The following RPL22L1 variants were observed in gnomAD, a reference collection of about 807,000 sequenced individuals.
RPL22L1 encodes the protein ribosomal protein eL22-like.
A neutral mutation model predicts 17.3 loss-of-function variants in RPL22L1; 19 were observed. That is an observed-to-expected ratio of 1.10 (90% CI 0.77 to 1.61). The LOEUF (loss-of-function observed/expected upper bound fraction) is 1.61. Among genes scored for constraint, RPL22L1 ranks in the 40% most tolerant of loss-of-function variants. RPL22L1 has a pLI of 0.00. For missense variants in RPL22L1, 139 were observed against 144.4 expected (o/e 0.96, Z 0.19); for synonymous variants, 48 against 48.5 (o/e 0.99, Z 0.05).
At position 170,866,115 on chromosome 3, in the gene RPL22L1, T is replaced by C. The variant is rs551228120; in HGVS notation, c.*265A>G. Reference sequence around the variant, plus strand: ...GAGTGTCTAAAAAAAAGATTTCCTATATAACGCTACTTTTACCTGAGTACA... The same window carrying C: ...GAGTGTCTAAAAAAAAGATTTCCTACATAACGCTACTTTTACCTGAGTACA... On this transcript the variant is annotated 3_prime_UTR_variant, in exon 4 of 4. Transcript: ENST00000295830. 4.0e-6 allele frequency: 1 copy of C among 248,566 alleles called. No individual in the cohort carries two copies. The allele number at this position is 248,566 out of a possible 1,614,324, so 15.4% of individuals were successfully genotyped here.
At chr3:170,868,891 CAGG>C (rs1183794906) in intron 1 of RPL22L1, among the ~76,000 whole-genome samples, 7 of 151,372 alleles carry the variant, frequency 4.6e-5, no homozygotes, top group Non-Finnish European at 1.0e-4. Context: ...GAGGCTGAGG[CAGG>C]AGGATCACGT....
intron 3 of RPL22L1, 93 bp downstream of exon 3, chr3:170,867,920 C>T (rs766380575): frequency 1.9e-6 from 2 of 1,044,330 alleles, no homozygotes; most frequent in African/African-American, 3.2e-5. Flanking sequence ...CATATTTATT[C>T]TTGCATATAA....
rs751553075 is a variant in RPL22L1, at chr3:170,866,340, A to C, written c.*40T>G. The C allele has an allele frequency of 2.7e-6, 4 of 1,506,446 alleles. No homozygotes were observed. The highest frequency in any genetic ancestry group is 2.3e-5 in the Admixed American group (1 of 44,104). 93.3% of individuals were successfully genotyped at this position (1,506,446 alleles called of 1,614,324 possible). A position where few individuals can be genotyped will look rare whatever the true frequency, so the allele number is the denominator to read the frequency against. ...GGTATTTCTCATGTATACTTCATTT[A>C]TTTTATTAATAAGCAAAGCCCTGTA... On this transcript the variant is annotated 3_prime_UTR_variant, in exon 4 of 4. Coordinates refer to ENST00000295830, the MANE Select transcript of RPL22L1 (RefSeq NM_001099645.2).
In RPL22L1 at chr3:170,868,054, C is replaced by T. The variant is rs749918934; in HGVS notation, c.183G>A (p.Lys61=). 2.4e-5 allele frequency: 38 copies of T among 1,603,846 alleles called. No homozygotes were observed. Among genetic ancestry groups the T allele is most frequent in the Non-Finnish European group, 3.1e-5 (36 of 1,174,488 alleles). The change falls in exon 3 of 4, where the codon AAG becomes AAA. Residue 61 remains lysine, a synonymous_variant. Coordinates refer to ENST00000295830, the MANE Select transcript of RPL22L1 (RefSeq NM_001099645.2). ...TCTCAGAAACAACTGTGATTTTATT[C>T]TTGAAGCGTTCAATGTGAACAACAT... ...LGNVVHIERF[K]NKITVVSEKQ... is the part of the protein sequence containing the mutation.
At chr3:170,867,705 T>G (rs541062492) in intron 3 of RPL22L1, among the ~76,000 whole-genome samples, 5 of 152,230 alleles carry the variant, frequency 3.3e-5, no homozygotes, top group Non-Finnish European at 1.5e-5. Flanking sequence ...ACATCAGACA[T>G]GTTTCTTGCA....
At chr3:170,867,951 A>T in intron 3 of RPL22L1, 62 bp downstream of exon 3, 1 of 1,301,464 alleles carries the variant, frequency 7.7e-7, no homozygotes, top group Non-Finnish European at 1.1e-6. Context: ...TGTAATAACT[A>T]CATATTCTAT....
intron 3 of RPL22L1, 110 bp from the exon 4 acceptor site, chr3:170,866,634 C>T (rs1711780188): frequency 2.7e-6 from 2 of 751,382 alleles, no homozygotes; most frequent in South Asian, 4.0e-5. Flanking sequence ...TACCTAGCTT[C>T]CTCCAAAATA....
intron 1 of RPL22L1, among the ~76,000 whole-genome samples, 178 bp from the exon 2 acceptor site, chr3:170,868,568 C>T (rs1391694394): frequency 6.6e-6 from 1 of 152,128 alleles, no homozygotes; most frequent in Non-Finnish European, 1.5e-5. Context: ...ATTTGAACCT[C>T]TAACCAAGTC....
chr3:170,870,176 T>C lies in RPL22L1; in HGVS notation c.-9A>G. The C allele has an allele frequency of 6.2e-7, 1 of 1,611,770 alleles. No homozygotes were observed. The highest frequency in any genetic ancestry group is 1.3e-5 in the African/African-American group (1 of 74,186). ...TCACTCACCGGCGCCATCTTGCGAG[T>C]CGGCCGCGAGAGCAGAGAGGAAGCT... On this transcript the variant is annotated 5_prime_UTR_variant, in exon 1 of 4. Transcript: ENST00000295830.
At chr3:170,866,623 G>A in intron 3 of RPL22L1, 99 bp from the exon 4 acceptor site, 1 of 844,288 alleles carries the variant, frequency 1.2e-6, no homozygotes, top group Non-Finnish European at 1.8e-6. Context: ...CATCTTTTCT[G>A]TACCTAGCTT....
intron 3 of RPL22L1, 74 bp from the exon 4 acceptor site, chr3:170,866,598 A>G: frequency 9.7e-7 from 1 of 1,028,768 alleles, no homozygotes; most frequent in Admixed American, 2.5e-5. Context: ...TACGAAAAAT[A>G]TACATCATCA....
At chr3:170,866,566 C>A (rs1207439465) in intron 3 of RPL22L1, 42 bp from the exon 4 acceptor site, 2 of 1,435,910 alleles carry the variant, frequency 1.4e-6, no homozygotes, top group Admixed American at 4.1e-5. Context: ...AAATACAATT[C>A]CTACTATGTA....
rs563227428 is a variant in RPL22L1, at chr3:170,866,199, G to A, written c.*181C>T. The A allele has an allele frequency of 9.9e-6, 5 of 505,216 alleles. 1 individual carries two copies. In the South Asian group the frequency reaches 1.9e-4, roughly 19 times the overall value. The allele number at this position is 505,216 out of a possible 1,614,324, so 31.3% of individuals were successfully genotyped here. ...ACCAGCTATAAGCTATTTAAATACT[G>A]TTGATAGTTATCAGAGGGAAATCAA... On this transcript the variant is annotated 3_prime_UTR_variant, in exon 4 of 4. Transcript: ENST00000295830.
In RPL22L1 at chr3:170,865,436, C is replaced by T. The variant is rs1711714503; in HGVS notation, c.*944G>A. The stretch of plus-strand genomic sequence containing the variant: ...CATTTCGATTAGAGCTTTCAAAGGC[C>T]AGTTTATTCGGGAGAAAGGGTCCAT... On this transcript the variant is annotated 3_prime_UTR_variant, in exon 4 of 4. Transcript: ENST00000295830. 1 of 152,172 alleles carries T rather than the reference C, an allele frequency of 6.6e-6. No homozygotes were observed. The highest frequency in any genetic ancestry group is 2.4e-5 in the African/African-American group (1 of 41,436). The allele number at this position is 152,172 out of a possible 1,614,324, so 9.4% of individuals were successfully genotyped here. A position where few individuals can be genotyped will look rare whatever the true frequency, so the allele number is the denominator to read the frequency against.
In RPL22L1 at chr3:170,868,333, G is replaced by T; in HGVS notation, c.67C>A (p.Pro23Thr). ...GAATCAAAAATTCCATCTTCTACTG[G>T]ATGAGTAAGGTCCAAATTAAACCTC... ...TWRFNLDLTH[P>T]VEDGIFDSGN... is the part of the protein sequence containing the mutation. Residue 23 changes from proline to threonine, a missense_variant, in exon 2 of 4, where the codon CCA (proline) becomes ACA (threonine). Coordinates refer to ENST00000295830, the MANE Select transcript of RPL22L1 (RefSeq NM_001099645.2). The T allele has an allele frequency of 6.2e-7, 1 of 1,610,664 alleles. No individual in the cohort carries two copies. The highest frequency in any genetic ancestry group is 8.5e-7 in the Non-Finnish European group (1 of 1,178,422).
chr3:170,865,320 G>GA lies in RPL22L1; in HGVS notation c.*1059dup, dbSNP rs35281809. Reference sequence around the variant, plus strand: ...AGCATCAAGACTCATCTAAGTACCTGAAGTAGTGGCACCACCATCAGGCTC... The same window carrying GA: ...AGCATCAAGACTCATCTAAGTACCTGAAAGTAGTGGCACCACCATCAGGCTC... On this transcript the variant is annotated 3_prime_UTR_variant, in exon 4 of 4. Coordinates refer to ENST00000295830, the MANE Select transcript of RPL22L1 (RefSeq NM_001099645.2). 3.3e-5 allele frequency: 5 copies of GA among 152,324 alleles called. No individual in the cohort carries two copies. Among genetic ancestry groups the GA allele is most frequent in the Admixed American group, 6.5e-5 (1 of 15,306 alleles). 9.4% of individuals were successfully genotyped at this position (152,324 alleles called of 1,614,324 possible). A position where few individuals can be genotyped will look rare whatever the true frequency, so the allele number is the denominator to read the frequency against.
Position 170,869,113 on chromosome 3 carries a change from C to CAA in RPL22L1, c.10-725_10-724dup, listed in dbSNP as rs35400944. On this transcript the variant is annotated intron_variant, in intron 1 of 3. Transcript: ENST00000295830. ...CCCACCTGGGCAACAGACTCTGTCT[C>CAA]AAAAAAAAAAAAAAACCTAAAAACC... Among the ~76,000 whole-genome samples, 876 of 130,590 alleles carry CAA rather than the reference C, an allele frequency of 6.7e-3. 5 individuals are homozygous for CAA. The highest frequency in any genetic ancestry group is 0.015 in the African/African-American group (541 of 36,194). The allele number at this position is 130,590 out of a possible 152,430, so 85.7% of individuals were successfully genotyped here.
At position 170,866,498 on chromosome 3, in the gene RPL22L1, T is replaced by C. The variant is rs371373684; in HGVS notation, c.251A>G (p.Tyr84Cys). Residue 84 changes from tyrosine (Y) to cysteine (C), a missense_variant, in exon 4 of 4, where the codon TAC becomes TGC. By Grantham distance (194) the Tyr-to-Cys change is radical (BLOSUM62 -2). Transcript: ENST00000295830. ...KRYLKYLTKK[Y>C]LKKNNLRDWL... ...ATCACGAAGATTGTTCTTCTTAAGG[T>C]ATTTCTTGGTAAGGTATTTCAAATA... 11 of 1,559,652 alleles carry C rather than the reference T, an allele frequency of 7.1e-6. No individual in the cohort carries two copies. In the African/African-American group the frequency reaches 1.5e-4, roughly 21 times the overall value.
In RPL22L1 at chr3:170,866,373, C is replaced by G; in HGVS notation, c.*7G>C. 1 of 1,596,962 alleles carries G rather than the reference C, an allele frequency of 6.3e-7. No homozygotes were observed. Among genetic ancestry groups the G allele is most frequent in the Non-Finnish European group, 8.5e-7 (1 of 1,170,736 alleles). On this transcript the variant is annotated 3_prime_UTR_variant, in exon 4 of 4. Coordinates refer to ENST00000295830, the MANE Select transcript of RPL22L1 (RefSeq NM_001099645.2). ...AATAAGCAAAGCCCTGTAAGGGGAG[C>G]CTTTGCCTAGTCCTCCGACTCTGAT... is the stretch of plus-strand genomic sequence containing the variant.
Sources: gnomAD v4.1 joint callset for allele counts (sites outside exome capture counted in the v4.1 genomes callset) on GRCh38, gnomAD v4.1.1 for gene constraint, MANE v1.5 for transcripts, NCBI Gene and HGNC (gene_info 2026-07-23, HGNC 2026-07-21) for gene names.